UCHL5: variants seen among roughly 807,000 people sequenced by gnomAD.
The protein encoded by UCHL5 is ubiquitin carboxyl-terminal hydrolase isozyme L5.
In UCHL5, 34 loss-of-function variants were observed where a neutral mutation model predicts 53.8. The ratio of observed to expected loss-of-function variants is 0.63; its 90% CI spans 0.48 to 0.84. The LOEUF is 0.84. Among genes scored for constraint, UCHL5 ranks in the 40% least tolerant of loss-of-function variants. The pLI is 0.00. For synonymous variants in UCHL5, 111 were observed against 126.3 expected (o/e 0.88, Z 0.81); for missense variants, 290 against 385.6 (o/e 0.75, Z 2.08).
At chr1:193,059,589 C>G (rs1447409724), upstream of UCHL5, 1 of 1,469,608 alleles carries the variant, frequency 6.8e-7, no homozygotes, top group East Asian at 3.2e-5. This position sits in a 1 kb window ranked among gnomAD's most constrained non-coding sequence, Gnocchi z 4.9. Context: ...GGGGCGGAGG[C>G]GGGGCAAAAG....
At position 193,018,610 on chromosome 1, in the gene UCHL5, G is replaced by A. The variant is rs1441046280; in HGVS notation, c.943-2215C>T. On this transcript the variant is annotated intron_variant, in intron 10 of 10. Transcript: ENST00000367454. ...CAAGTTCATTATAGCCATGCCGAGG[G>A]AGAATCACTTTTTATTTATTATTTT... is the stretch of plus-strand genomic sequence containing the variant. The A allele has an allele frequency of 4.8e-6, 6 of 1,245,988 alleles. No individual in the cohort carries two copies. The Admixed American group carries it at 1.2e-4, about 25-fold the overall frequency. The allele number at this position is 1,245,988 out of a possible 1,614,324, so 77.2% of individuals were successfully genotyped here. A position where few individuals can be genotyped will look rare whatever the true frequency, so the allele number is the denominator to read the frequency against.
intron 1 of UCHL5, among the ~76,000 whole-genome samples, chr1:193,052,737 A>C (rs539225468): frequency 6.6e-6 from 1 of 152,302 alleles, no homozygotes; most frequent in South Asian, 2.1e-4. Context: ...TGCTCAGCAC[A>C]CTTTAAGGGT....
intron 1 of UCHL5, among the ~76,000 whole-genome samples, chr1:193,053,111 C>T (rs1301307284): frequency 6.6e-6 from 1 of 152,042 alleles, no homozygotes; most frequent in Non-Finnish European, 1.5e-5. Context: ...ACATGGTTTG[C>T]GGTGGAGGAG....
At position 193,059,060 on chromosome 1, in the gene UCHL5, G is replaced by C. The variant is rs1031686968; in HGVS notation, c.76+125C>G. The C allele has an allele frequency of 3.2e-6, 3 of 939,462 alleles. No individual in the cohort carries two copies. Among genetic ancestry groups the C allele is most frequent in the Non-Finnish European group, 4.7e-6 (3 of 643,610 alleles). 58.2% of individuals were successfully genotyped at this position (939,462 alleles called of 1,614,324 possible). On this transcript the variant is annotated intron_variant, in intron 1 of 10. Coordinates refer to ENST00000367454, the MANE Select transcript of UCHL5 (RefSeq NM_001199261.3). This position sits in a 1 kb window ranked among gnomAD's most constrained non-coding sequence, Gnocchi z 4.9. ...CAGAACATCTACATTTCCCCCACCC[G>C]GACTCCAGGTTCCTGAAGTCACCTC...
At chr1:193,016,797 G>A (rs1557978256) in intron 10 of UCHL5, among the ~76,000 whole-genome samples, 2 of 151,630 alleles carry the variant, frequency 1.3e-5, no homozygotes, top group Non-Finnish European at 3.0e-5. Context: ...GAATAAATGA[G>A]TTTAACATAA....
intron 3 of UCHL5, among the ~76,000 whole-genome samples, chr1:193,048,736 T>G (rs1264805296): frequency 6.6e-6 from 1 of 152,246 alleles, no homozygotes; most frequent in Non-Finnish European, 1.5e-5. Flanking sequence ...AGCTGTGCTA[T>G]TAAGGCAGAC....
intron 10 of UCHL5, among the ~76,000 whole-genome samples, chr1:193,017,890 T>C (rs1332835492): frequency 6.6e-6 from 1 of 151,424 alleles, no homozygotes; most frequent in Non-Finnish European, 1.5e-5. Context: ...AAGTAAATAG[T>C]GCCTAAAAGC....
Position 193,015,418 on chromosome 1 carries a change from A to G in UCHL5, c.*933T>C, listed in dbSNP as rs1654744779. 2.0e-5 allele frequency: 3 copies of G among 152,090 alleles called. No individual in the cohort carries two copies. Among genetic ancestry groups the G allele is most frequent in the Non-Finnish European group, 4.4e-5 (3 of 67,948 alleles). 9.4% of individuals were successfully genotyped at this position (152,090 alleles called of 1,614,324 possible). A position where few individuals can be genotyped will look rare whatever the true frequency, so the allele number is the denominator to read the frequency against. On this transcript the variant is annotated 3_prime_UTR_variant, in exon 11 of 11. Transcript: ENST00000367454. The stretch of plus-strand genomic sequence containing the variant: ...AAGATTAGAAGCAGAAGATTATTAC[A>G]AAGCAACTCCCAAATCAATTTTTAA...
chr1:193,024,780 T>C (rs1658519431), intron 7 of UCHL5, among the ~76,000 whole-genome samples: 1 of 152,014 alleles, frequency 6.6e-6, no homozygotes. Flanking sequence ...ATAGAAAATA[T>C]GAGCCCATTT....
At chr1:193,059,855 T>A, upstream of UCHL5, 4 of 1,363,512 alleles carry the variant, frequency 2.9e-6, no homozygotes, top group Non-Finnish European at 3.9e-6. The surrounding 1 kb of genome is among the most constrained non-coding windows in gnomAD (Gnocchi z 4.9). Flanking sequence ...GTCCTCCATG[T>A]CTCTCACCCG....
At chr1:193,050,397 A>T (rs1668626497) in intron 2 of UCHL5, among the ~76,000 whole-genome samples, 1 of 152,108 alleles carries the variant, frequency 6.6e-6, no homozygotes, top group Admixed American at 6.6e-5. Context: ...AATTCCTTCT[A>T]GTCTATCTAT....
intron 1 of UCHL5, among the ~76,000 whole-genome samples, chr1:193,052,906 AT>A (rs1669526824): frequency 6.6e-6 from 1 of 152,168 alleles, no homozygotes; most frequent in Admixed American, 6.5e-5. Flanking sequence ...AATTTTTCAT[AT>A]GATTTTCAAG....
At chr1:193,050,991 C>A (rs1668862732) in intron 2 of UCHL5, among the ~76,000 whole-genome samples, 1 of 152,164 alleles carries the variant, frequency 6.6e-6, no homozygotes, top group African/African-American at 2.4e-5. Flanking sequence ...CACAAATGAT[C>A]TCATTTCATC....
At chr1:193,020,285 T>G in intron 10 of UCHL5, 1 of 1,531,796 alleles carries the variant, frequency 6.5e-7, no homozygotes, top group African/African-American at 1.4e-5. Context: ...AACTTTAAAA[T>G]TAATAAGGAA....
rs1212826017 is a variant in UCHL5, at chr1:193,015,503, T to C, written c.*848A>G. ...AAAACTGCAGGCTGTACGAAATTTA[T>C]TCAAATTGGCATAGAAAGACCCCCA... On this transcript the variant is annotated 3_prime_UTR_variant, in exon 11 of 11. Transcript: ENST00000367454. The C allele has an allele frequency of 3.9e-5, 6 of 152,024 alleles. No homozygotes were observed. The highest frequency in any genetic ancestry group is 1.5e-5 in the Non-Finnish European group (1 of 67,922). 9.4% of individuals were successfully genotyped at this position (152,024 alleles called of 1,614,324 possible).
chr1:193,019,875 T>G, intron 10 of UCHL5: 1 of 961,518 alleles, frequency 1.0e-6, no homozygotes, highest in Non-Finnish European at 1.2e-6. Context: ...CCTAGTAACA[T>G]TTATCTAACT....
chr1:193,029,129 C>T, intron 6 of UCHL5, 50 bp downstream of exon 6: 3 of 1,588,704 alleles, frequency 1.9e-6, no homozygotes, highest in East Asian at 2.2e-5. Context: ...AAATACCCAA[C>T]AGATTTTCCC....
chr1:193,034,307 G>A (rs1397684859), intron 3 of UCHL5, among the ~76,000 whole-genome samples: 1 of 151,188 alleles, frequency 6.6e-6, no homozygotes, highest in East Asian at 1.9e-4. Flanking sequence ...AAGAATAAAA[G>A]AATATTAATA....
chr1:193,059,387 T>C (rs1286185410), upstream of UCHL5: 2 of 1,608,468 alleles, frequency 1.2e-6, no homozygotes, highest in Non-Finnish European at 1.7e-6. The surrounding 1 kb of genome is among the most constrained non-coding windows in gnomAD (Gnocchi z 4.9). Context: ...CCCGCCTACT[T>C]CCCGACAGCC....
Sources: allele counts gnomAD v4.1 joint callset (sites outside exome capture counted in the v4.1 genomes callset), GRCh38; gene constraint gnomAD v4.1.1; non-coding constraint Gnocchi (gnomAD v3.1); transcripts MANE v1.5; gene names NCBI Gene and HGNC (gene_info 2026-07-23, HGNC 2026-07-21).